The following MXRA8 variants were observed in gnomAD, a reference collection of about 807,000 sequenced individuals.
MXRA8 encodes the protein matrix remodeling-associated protein 8.
A neutral mutation model predicts 51.4 loss-of-function variants in MXRA8; 44 were observed. The ratio of observed to expected loss-of-function variants is 0.86; its 90% CI spans 0.67 to 1.10. MXRA8 has a LOEUF of 1.10. MXRA8 is among the 50% of genes least tolerant of loss of function. MXRA8 has a pLI of 0.00. For synonymous variants in MXRA8, 369 were observed against 293.5 expected (o/e 1.26, Z -2.63); for missense variants, 765 against 638.9 (o/e 1.20, Z -2.13).
rs1644038869 is a variant in MXRA8 at position 1,353,238 on chromosome 1, C to T, written c.*366G>A. On this transcript the variant is annotated 3_prime_UTR_variant, in exon 10 of 10. Transcript: ENST00000309212. ...AGCCCTGGAGGAGTGGGACTCCTGC[C>T]CTGAGGCTGACCCCAGTTTTGGGGC... The T allele has an allele frequency of 6.9e-7, 1 of 1,457,350 alleles. No individual in the cohort carries two copies. Among genetic ancestry groups the T allele is most frequent in the East Asian group, 2.5e-5 (1 of 40,406 alleles). The allele number at this position is 1,457,350 out of a possible 1,614,324, so 90.3% of individuals were successfully genotyped here. A position where few individuals can be genotyped will look rare whatever the true frequency, so the allele number is the denominator to read the frequency against.
rs772088848 is a variant in MXRA8, at chr1:1,355,637, C to T, written c.189G>A (p.Gln63=). Residue 63 remains glutamine (Q), a synonymous_variant, in exon 3 of 10, where the codon CAG becomes CAA. Coordinates refer to ENST00000309212, the MANE Select transcript of MXRA8 (RefSeq NM_032348.4). ...RCQSPRMVWT[Q]DRLHDRQRVL... is the part of the protein sequence containing the mutation. ...CGCGCTGGCGGTCGTGCAGCCGGTC[C>T]TGGGTCCACACCATGCGCGGGCTCT... 4.3e-5 allele frequency: 63 copies of T among 1,463,226 alleles called. No homozygotes were observed. Among genetic ancestry groups the T allele is most frequent in the South Asian group, 1.3e-4 (10 of 76,002 alleles). 90.6% of individuals were successfully genotyped at this position (1,463,226 alleles called of 1,614,324 possible).
upstream of MXRA8, chr1:1,359,011 C>G (rs1323400549): frequency 8.1e-6 from 8 of 985,360 alleles, no homozygotes; most frequent in Non-Finnish European, 9.6e-6. Flanking sequence ...CGCTGGTGCT[C>G]TCCTTCAGAC....
At chr1:1,358,805 T>G, upstream of MXRA8, 1 of 1,150,156 alleles carries the variant, frequency 8.7e-7, no homozygotes, top group Non-Finnish European at 1.1e-6. Flanking sequence ...GGGCCCCTGA[T>G]ACCACGTGAT....
At chr1:1,354,617 G>A (rs1644079689) in intron 5 of MXRA8, 65 bp downstream of exon 5, 1 of 1,544,282 alleles carries the variant, frequency 6.5e-7, no homozygotes, top group Non-Finnish European at 8.7e-7. Flanking sequence ...AGGGACAGCG[G>A]GCGCAGAGCA....
At chr1:1,358,601 C>T (rs1644179525), upstream of MXRA8, 1 of 1,502,564 alleles carries the variant, frequency 6.7e-7, no homozygotes, top group Non-Finnish European at 8.9e-7. Flanking sequence ...CCCGCGGTGA[C>T]ATCACGGAGG....
chr1:1,354,626 C>T (rs915745462), intron 5 of MXRA8, 56 bp downstream of exon 5: 45 of 1,540,618 alleles, frequency 2.9e-5, no homozygotes, highest in Non-Finnish European at 3.8e-5. Flanking sequence ...GGGCGCAGAG[C>T]AACCCCCGGT....
chr1:1,362,825 G>C (rs998121009), upstream of MXRA8, among the ~76,000 whole-genome samples: 1 of 143,750 alleles, frequency 7.0e-6, no homozygotes, highest in Non-Finnish European at 1.5e-5. Flanking sequence ...GGCTCACATC[G>C]GTAATCCCAG....
upstream of MXRA8, chr1:1,359,286 T>A: frequency 1.0e-6 from 1 of 985,368 alleles, no homozygotes; most frequent in Non-Finnish European, 1.2e-6. Flanking sequence ...TGAAACCAGG[T>A]GCTGGATTAC....
At chr1:1,356,653 G>T (rs1389832598) in intron 2 of MXRA8, 28 bp downstream of exon 2, 5 of 1,332,822 alleles carry the variant, frequency 3.8e-6, no homozygotes, top group Non-Finnish European at 4.9e-6. Flanking sequence ...GGGAGTGGGG[G>T]TGGGCAGCTG....
chr1:1,353,927 A>G lies in MXRA8; in HGVS notation c.1224T>C (p.Asp408=). ...MLYRSEDIQL[D]YKNNILKERA... is the part of the protein sequence containing the mutation. Reference sequence around the variant, plus strand: ...TCTCCTTCAGGATGTTGTTTTTGTAATCTGTGGGAGGAGAGGAGGCTGAGG... The same window carrying G: ...TCTCCTTCAGGATGTTGTTTTTGTAGTCTGTGGGAGGAGAGGAGGCTGAGG... The change falls in exon 9 of 10, where the codon GAT becomes GAC. Residue 408 remains aspartate, a splice_region_variant and synonymous_variant. Transcript: ENST00000309212. 6.2e-7 allele frequency: 1 copy of G among 1,609,356 alleles called. No individual in the cohort carries two copies. Among genetic ancestry groups the G allele is most frequent in the Non-Finnish European group, 8.5e-7 (1 of 1,178,094 alleles).
chr1:1,359,778 C>T (rs1425176389), upstream of MXRA8, among the ~76,000 whole-genome samples: 1 of 152,238 alleles, frequency 6.6e-6, no homozygotes, highest in Non-Finnish European at 1.5e-5. Flanking sequence ...GGGCGGCGAC[C>T]TTTCCAAACT....
intron 8 of MXRA8, 28 bp from the exon 9 acceptor site, chr1:1,353,956 C>G (rs767629055): frequency 1.2e-6 from 2 of 1,604,400 alleles, no homozygotes; most frequent in African/African-American, 2.7e-5. Flanking sequence ...GCTGAGGTCC[C>G]CGCTCCCAGG....
intron 2 of MXRA8, among the ~76,000 whole-genome samples, 172 bp from the exon 3 acceptor site, chr1:1,355,924 C>T (rs1306535584): frequency 2.4e-5 from 2 of 82,784 alleles, no homozygotes; most frequent in Non-Finnish European, 4.6e-5. Flanking sequence ...GGCAGACCCC[C>T]GAGGGCCTGG....
intron 1 of MXRA8, among the ~76,000 whole-genome samples, chr1:1,358,014 T>C (rs767080386): frequency 2.6e-5 from 4 of 152,152 alleles, no homozygotes; most frequent in African/African-American, 4.8e-5. Flanking sequence ...ATGTGAAAAC[T>C]GCCCCAGAGA....
Position 1,358,443 on chromosome 1 carries a change from GC to G in MXRA8, c.49+12del. 1 of 1,610,336 alleles carries G rather than the reference GC, an allele frequency of 6.2e-7. No homozygotes were observed. The highest frequency in any genetic ancestry group is 8.5e-7 in the Non-Finnish European group (1 of 1,178,064). On this transcript the variant is annotated intron_variant, in intron 1 of 9. Transcript: ENST00000309212. ...TGCCACCCCCCACCCGCCTCCCAGG[GC>G]CCCACACTCACTCTGCAGAAGCACA... is the stretch of plus-strand genomic sequence containing the variant.
At chr1:1,361,051 CACAG>C (rs1644216303), upstream of MXRA8, among the ~76,000 whole-genome samples, 1 of 150,954 alleles carries the variant, frequency 6.6e-6, no homozygotes, top group East Asian at 2.0e-4. Flanking sequence ...GACACGGAGA[CACAG>C]ATACATGGAA....
chr1:1,356,840 C>G (rs1644144302), intron 1 of MXRA8, 136 bp from the exon 2 acceptor site: 1 of 724,326 alleles, frequency 1.4e-6, no homozygotes, highest in Non-Finnish European at 2.0e-6. Flanking sequence ...GGGAGGACGC[C>G]TCTCACACAG....
rs1353791875 is a variant in MXRA8, at chr1:1,355,446, G to A, written c.376+4C>T. On this transcript the variant is annotated splice_donor_region_variant and intron_variant, in intron 3 of 9. Coordinates refer to ENST00000309212, the MANE Select transcript of MXRA8 (RefSeq NM_032348.4). ...CCCGCGGCCCCGGTCCCCGGTCCCCGCACCGCGGATGAGCAGCGAGAAGTT... is the reference window on the plus strand; with the variant it reads ...CCCGCGGCCCCGGTCCCCGGTCCCCACACCGCGGATGAGCAGCGAGAAGTT... 3 of 1,493,400 alleles carry A rather than the reference G, an allele frequency of 2.0e-6. No individual in the cohort carries two copies. The highest frequency in any genetic ancestry group is 2.7e-6 in the Non-Finnish European group (3 of 1,131,166). The allele number at this position is 1,493,400 out of a possible 1,614,324, so 92.5% of individuals were successfully genotyped here.
chr1:1,358,422 A>T, intron 1 of MXRA8, 34 bp downstream of exon 1: 4 of 1,387,634 alleles, frequency 2.9e-6, no homozygotes, highest in Non-Finnish European at 4.0e-6. Context: ...CCCACGTGCC[A>T]CCCCCCACCC....
Sources: gnomAD v4.1 joint callset for allele counts (sites outside exome capture counted in the v4.1 genomes callset) on GRCh38, gnomAD v4.1.1 for gene constraint, MANE v1.5 for transcripts, NCBI Gene and HGNC (gene_info 2026-07-23, HGNC 2026-07-21) for gene names.